The following ADGRG1 variants were observed in gnomAD, a reference collection of about 807,000 sequenced individuals.
ADGRG1 encodes the protein 7-transmembrane protein with no EGF-like N-terminal domains-1.
In ADGRG1, 53 loss-of-function variants were observed where a neutral mutation model predicts 73.5. That is an observed-to-expected ratio of 0.72 (90% CI 0.58 to 0.91). ADGRG1 has a LOEUF of 0.91. ADGRG1 is among the 40% of genes least tolerant of loss of function. ADGRG1 has a pLI of 0.00. For missense variants in ADGRG1, 795 were observed against 871.8 expected, an observed-to-expected ratio of 0.91 and a Z score of 1.11; for synonymous variants, 394 against 374.4, an observed-to-expected ratio of 1.05 and a Z score of -0.60.
chr16:57,632,354 T>G (rs369372944), intron 1 of ADGRG1: 1 of 978,968 alleles, frequency 1.0e-6, no homozygotes, highest in Non-Finnish European at 1.2e-6. Context: ...TGTGGGAACA[T>G]GGGCCTGTGC....
At chr16:57,644,653 C>T (rs1434950342) in intron 1 of ADGRG1, among the ~76,000 whole-genome samples, 2 of 139,328 alleles carry the variant, frequency 1.4e-5, no homozygotes, top group Admixed American at 8.0e-5. Context: ...TGGGCACGCA[C>T]ACTCATCACA....
chr16:57,646,361 G>T (rs1419978615), intron 1 of ADGRG1: 2 of 982,754 alleles, frequency 2.0e-6, no homozygotes, highest in African/African-American at 1.8e-5. Flanking sequence ...GGGATGGGCT[G>T]GTGGTGGGGT....
At chr16:57,629,049 TGTGTGAGTATGA>T (rs1597048017) in intron 1 of ADGRG1, 3 of 502,958 alleles carry the variant, frequency 6.0e-6, no homozygotes, top group Non-Finnish European at 7.6e-6. Flanking sequence ...TGAGTGAGTG[TGTGTGAGTATGA>T]GTGTGAGTGT....
chr16:57,641,404 C>T, intron 1 of ADGRG1: 1 of 978,366 alleles, frequency 1.0e-6, no homozygotes, highest in Non-Finnish European at 1.2e-6. Flanking sequence ...GGCTGCAGAC[C>T]ACCCCAGGAG....
chr16:57,628,099 G>A (rs2036222998), upstream of ADGRG1: 2 of 983,824 alleles, frequency 2.0e-6, no homozygotes, highest in African/African-American at 1.8e-5. Flanking sequence ...GGTCAGTCGT[G>A]CGTGGCCTGG....
chr16:57,639,211 G>A lies in ADGRG1; in HGVS notation c.-36+10409G>A, dbSNP rs1000918064. ...CCCTTCAAGACAGGCAGGTGTCCCC[G>A]GGGCTCCCCATAAATCGCTGTCCTA... On this transcript the variant is annotated intron_variant, in intron 1 of 13. Transcript: ENST00000562631. 10 of 967,376 alleles carry A rather than the reference G, an allele frequency of 1.0e-5. No homozygotes were observed. The South Asian group carries it at 2.4e-4, about 23-fold the overall frequency. 59.9% of individuals were successfully genotyped at this position (967,376 alleles called of 1,614,324 possible). A position where few individuals can be genotyped will look rare whatever the true frequency, so the allele number is the denominator to read the frequency against.
At chr16:57,644,115 C>G (rs2041590326) in intron 1 of ADGRG1, 18 of 984,212 alleles carry the variant, frequency 1.8e-5, no homozygotes, top group Non-Finnish European at 2.1e-5. Flanking sequence ...GCCCCGCCCT[C>G]CCTGTCCCCT....
chr16:57,629,244 A>C lies in ADGRG1; in HGVS notation c.-36+442A>C, dbSNP rs889197024. The C allele has an allele frequency of 7.9e-6, 7 of 882,892 alleles. No homozygotes were observed. In the African/African-American group the frequency reaches 1.3e-4, roughly 16 times the overall value. The allele number at this position is 882,892 out of a possible 1,614,324, so 54.7% of individuals were successfully genotyped here. A position where few individuals can be genotyped will look rare whatever the true frequency, so the allele number is the denominator to read the frequency against. ...GGGTGGGTCTCTAGAGTGGGGGCGGACCCACAAGGAGATGCCTGGGAGGGG... is the reference window on the plus strand; with the variant it reads ...GGGTGGGTCTCTAGAGTGGGGGCGGCCCCACAAGGAGATGCCTGGGAGGGG... On this transcript the variant is annotated intron_variant, in intron 1 of 13. Coordinates refer to ENST00000562631, the MANE Select transcript of ADGRG1 (RefSeq NM_201525.4).
At chr16:57,647,669 T>A (rs2043023693) in intron 1 of ADGRG1, 1 of 479,286 alleles carries the variant, frequency 2.1e-6, no homozygotes, top group African/African-American at 2.1e-5. Flanking sequence ...GTCTACCCCA[T>A]GGGTTAAAGG....
At position 57,628,973 on chromosome 16, in the gene ADGRG1, TGTGAGA is replaced by T. The variant is rs1307755649; in HGVS notation, c.-36+177_-36+182del. 46 of 555,972 alleles carry T rather than the reference TGTGAGA, an allele frequency of 8.3e-5. 1 individual carries two copies. The highest frequency in any genetic ancestry group is 8.0e-5 in the South Asian group (1 of 12,560). 34.4% of individuals were successfully genotyped at this position (555,972 alleles called of 1,614,324 possible). A position where few individuals can be genotyped will look rare whatever the true frequency, so the allele number is the denominator to read the frequency against. Reference sequence around the variant, plus strand: ...GTGTGAGAGTGTGTGAGTGTGAGTGTGTGAGAGTGAGTGAGAATGTGAGTGTGAGTG... The same window carrying T: ...GTGTGAGAGTGTGTGAGTGTGAGTGTGTGAGTGAGAATGTGAGTGTGAGTG... On this transcript the variant is annotated intron_variant, in intron 1 of 13. Transcript: ENST00000562631.
intron 1 of ADGRG1, 174 bp from the exon 2 acceptor site, chr16:57,650,079 C>T (rs1298297206): frequency 2.6e-5 from 25 of 964,932 alleles, no homozygotes; most frequent in Non-Finnish European, 3.0e-5. Context: ...CGCCTGGCCT[C>T]ACTGCCTCTT....
intron 10 of ADGRG1, chr16:57,659,105 G>T (rs1459889213): frequency 1.0e-6 from 1 of 985,262 alleles, no homozygotes; most frequent in Non-Finnish European, 1.2e-6. Context: ...AAATGCCAAA[G>T]TGTTTCCGCT....
intron 13 of ADGRG1, chr16:57,662,898 C>A: frequency 1.0e-6 from 1 of 984,494 alleles, no homozygotes; most frequent in Non-Finnish European, 1.2e-6. Context: ...GCCAGCCTCC[C>A]ATACAGGGTC....
intron 2 of ADGRG1, among the ~76,000 whole-genome samples, chr16:57,622,308 G>A (rs1596898912): frequency 1.3e-5 from 2 of 152,138 alleles, no homozygotes; most frequent in East Asian, 3.9e-4. Context: ...GCTATTCAGA[G>A]GGCTTCAGGG....
chr16:57,647,120 G>A (rs78351628), intron 1 of ADGRG1: 6 of 985,402 alleles, frequency 6.1e-6, no homozygotes, highest in Non-Finnish European at 7.2e-6. Flanking sequence ...TGGAGGGGTG[G>A]CATAGGCAGG....
rs373133040 is a variant in ADGRG1 at position 57,651,597 on chromosome 16, C to A, written c.462C>A (p.Ala154=). 1.2e-6 allele frequency: 2 copies of A among 1,613,904 alleles called. No individual in the cohort carries two copies. Among genetic ancestry groups the A allele is most frequent in the Non-Finnish European group, 1.7e-6 (2 of 1,180,018 alleles). The change falls in exon 3 of 14, where the codon GCC becomes GCA. Residue 154 remains alanine, a synonymous_variant. Transcript: ENST00000562631. The part of the protein sequence containing the change: ...WSPQNISLPS[A]ASFTFSFHSP... ...CTCAGAACATCAGCCTGCCCAGTGCCGCCAGCTTCACCTTCTCCTTCCACA... is the reference window on the plus strand; with the variant it reads ...CTCAGAACATCAGCCTGCCCAGTGCAGCCAGCTTCACCTTCTCCTTCCACA...
intron 11 of ADGRG1, 68 bp downstream of exon 11, chr16:57,659,749 C>T (rs2046628622): frequency 6.5e-7 from 1 of 1,527,908 alleles, no homozygotes; most frequent in Admixed American, 1.7e-5. Flanking sequence ...ACCCAGGCAC[C>T]TGGTTCTGCC....
intron 4 of ADGRG1, chr16:57,653,719 T>G: frequency 1.2e-6 from 1 of 827,742 alleles, no homozygotes; most frequent in South Asian, 5.5e-5. Context: ...CACCACACCA[T>G]TGCTCTCCTT....
chr16:57,646,980 G>A (rs1372287300), intron 1 of ADGRG1: 8 of 983,696 alleles, frequency 8.1e-6, no homozygotes, highest in East Asian at 1.1e-4. Context: ...GCCCTGTAGC[G>A]CTGGGGATCT....
Sources: allele counts gnomAD v4.1 joint callset (sites outside exome capture counted in the v4.1 genomes callset), GRCh38; gene constraint gnomAD v4.1.1; transcripts MANE v1.5; gene names NCBI Gene and HGNC (gene_info 2026-07-23, HGNC 2026-07-21).